Variants in SLCO2B1 observed in about 807,000 individuals in gnomAD.
The protein encoded by SLCO2B1 is OATP-RP2.
In SLCO2B1, 41 loss-of-function variants were observed where a neutral mutation model predicts 67.3. The observed-to-expected ratio is 0.61, with a 90% CI of 0.47 to 0.79. The LOEUF (loss-of-function observed/expected upper bound fraction) is 0.79, where lower values mean the gene tolerates loss of function less well. SLCO2B1 is among the 30% of genes least tolerant of loss of function. The probability of loss-of-function intolerance (pLI) is 0.00; values close to 1 mark genes in which losing one functional copy is unlikely to be tolerated. For synonymous variants in SLCO2B1, 379 were observed against 381.4 expected (o/e 0.99, Z 0.07); for missense variants, 837 against 920.1 (o/e 0.91, Z 1.17).
intron 6 of SLCO2B1, among the ~76,000 whole-genome samples, chr11:75,171,118 C>T (rs902880855): frequency 2.6e-5 from 4 of 152,248 alleles, no homozygotes; most frequent in South Asian, 2.1e-4. Context: ...GTCTAATCAG[C>T]GCAAAAGCCA....
At chr11:75,203,036 G>T (rs554259822) in intron 12 of SLCO2B1, 71 bp downstream of exon 12, 1 of 1,358,816 alleles carries the variant, frequency 7.4e-7, no homozygotes. Flanking sequence ...CAGGCCTGGG[G>T]CACAGGCATG....
chr11:75,162,556 C>G, intron 1 of SLCO2B1, 99 bp from the exon 2 acceptor site: 1 of 1,298,776 alleles, frequency 7.7e-7, no homozygotes. Flanking sequence ...ACTCTTCTTC[C>G]TGAAAGACCT....
At chr11:75,151,848 C>T in intron 1 of SLCO2B1, 1 of 168,530 alleles carries the variant, frequency 5.9e-6, no homozygotes, top group Non-Finnish European at 1.3e-5. Flanking sequence ...CGAGAGAATG[C>T]AGGGAAAGGT....
chr11:75,183,676 C>G (rs1950114440), intron 7 of SLCO2B1, among the ~76,000 whole-genome samples: 1 of 152,208 alleles, frequency 6.6e-6, no homozygotes, highest in African/African-American at 2.4e-5. Flanking sequence ...AGGTGCATGT[C>G]ACCATGCCCA....
At chr11:75,172,662 G>A in intron 7 of SLCO2B1, 93 bp downstream of exon 7, 4 of 1,176,722 alleles carry the variant, frequency 3.4e-6, no homozygotes, top group African/African-American at 1.5e-5. Context: ...GGGCGTGGTG[G>A]CTCACATCTG....
Position 75,193,595 on chromosome 11 carries a change from C to T in SLCO2B1, c.1433+20C>T, listed in dbSNP as rs375283751. The T allele has an allele frequency of 6.1e-5, 93 of 1,515,798 alleles. No homozygotes were observed. The highest frequency in any genetic ancestry group is 6.8e-5 in the Non-Finnish European group (77 of 1,132,794). The allele number at this position is 1,515,798 out of a possible 1,614,324, so 93.9% of individuals were successfully genotyped here. A position where few individuals can be genotyped will look rare whatever the true frequency, so the allele number is the denominator to read the frequency against. On this transcript the variant is annotated intron_variant, in intron 9 of 13. Coordinates refer to ENST00000289575, the MANE Select transcript of SLCO2B1 (RefSeq NM_007256.5). The surrounding 1 kb of genome is among the most constrained non-coding windows in gnomAD (Gnocchi z 4.2). ...GACCAGGTGAGTGTGTGCGTGGGCACGTAAAGGCAAGCCTGGGAGGACAGG... is the reference window on the plus strand; with the variant it reads ...GACCAGGTGAGTGTGTGCGTGGGCATGTAAAGGCAAGCCTGGGAGGACAGG...
In SLCO2B1 at chr11:75,169,766, T is replaced by C. The variant is rs1348293884; in HGVS notation, c.781+2T>C. 2 of 1,613,024 alleles carry C rather than the reference T, an allele frequency of 1.2e-6. No individual in the cohort carries two copies. Among genetic ancestry groups the C allele is most frequent in the African/African-American group, 2.7e-5 (2 of 74,866 alleles). ...TGGACATTAACCAGATGCCAGAAGG[T>C]GAGCCTCAGGAGCACATGTTTGCTA... On this transcript the variant is annotated splice_donor_variant, in intron 6 of 13. Transcript: ENST00000289575. LOFTEE classifies it high-confidence loss of function.
Position 75,191,009 on chromosome 11 carries a change from A to G in SLCO2B1, c.1076-2209A>G, listed in dbSNP as rs180876448. Among the ~76,000 whole-genome samples, 5 of 152,324 alleles carry G rather than the reference A, an allele frequency of 3.3e-5. No individual in the cohort carries two copies. In the East Asian group the frequency reaches 9.6e-4, roughly 29 times the overall value. On this transcript the variant is annotated intron_variant, in intron 8 of 13. Transcript: ENST00000289575. ...GGAATTTTCCATCTATTCCGGTGCCATGCTGTGGATGCTGAGGAGAGATGG... is the reference window on the plus strand; with the variant it reads ...GGAATTTTCCATCTATTCCGGTGCCGTGCTGTGGATGCTGAGGAGAGATGG...
intron 7 of SLCO2B1, among the ~76,000 whole-genome samples, chr11:75,174,104 A>G (rs1463345347): frequency 6.6e-6 from 1 of 152,218 alleles, no homozygotes; most frequent in African/African-American, 2.4e-5. Context: ...GCCAGGCCTA[A>G]AAGTTTAATT....
chr11:75,175,288 A>G (rs1411161751), intron 7 of SLCO2B1, among the ~76,000 whole-genome samples: 1 of 152,090 alleles, frequency 6.6e-6, no homozygotes, highest in East Asian at 1.9e-4. Context: ...GCTTGCAGTA[A>G]CGTGGTTGGC....
At chr11:75,168,360 C>T (rs1239411361) in intron 4 of SLCO2B1, among the ~76,000 whole-genome samples, 2 of 152,136 alleles carry the variant, frequency 1.3e-5, no homozygotes, top group Admixed American at 1.3e-4. Flanking sequence ...GAGTGGCTCT[C>T]CGTGCTGGGT....
At chr11:75,189,748 A>G (rs1470745969) in intron 8 of SLCO2B1, among the ~76,000 whole-genome samples, 3 of 152,092 alleles carry the variant, frequency 2.0e-5, no homozygotes, top group Non-Finnish European at 4.4e-5. Context: ...GGAGTTTGAG[A>G]CCAACCAGGA....
chr11:75,196,886 T>G (rs532354492), intron 10 of SLCO2B1, among the ~76,000 whole-genome samples: 1 of 152,160 alleles, frequency 6.6e-6, no homozygotes, highest in Non-Finnish European at 1.5e-5. Context: ...TCCCAACACT[T>G]TGGGAGGCCG....
At chr11:75,156,276 C>T (rs75645695) in intron 1 of SLCO2B1, among the ~76,000 whole-genome samples, 3,899 of 152,252 alleles carry the variant, frequency 0.026, 175 homozygotes, top group African/African-American at 0.089. Flanking sequence ...ACAACCTCTG[C>T]CCTGGGGGAG....
intron 3 of SLCO2B1, among the ~76,000 whole-genome samples, chr11:75,164,542 T>C (rs1949864268): frequency 6.6e-6 from 1 of 152,064 alleles, no homozygotes; most frequent in Admixed American, 6.5e-5. Context: ...TCCTTAGAAC[T>C]GCCTGGGGAT....
chr11:75,177,123 G>GGGA (rs1310554163), intron 7 of SLCO2B1, among the ~76,000 whole-genome samples: 1 of 152,030 alleles, frequency 6.6e-6, no homozygotes, highest in African/African-American at 2.4e-5. Flanking sequence ...TACCACCATA[G>GGGA]GGAGGAGGAG....
At chr11:75,174,876 G>A (rs1012021929) in intron 7 of SLCO2B1, among the ~76,000 whole-genome samples, 3 of 152,202 alleles carry the variant, frequency 2.0e-5, no homozygotes, top group African/African-American at 7.2e-5. Context: ...TCTGTCACAT[G>A]CCAGTCATGT....
At chr11:75,186,746 T>A (rs1422298589) in intron 7 of SLCO2B1, among the ~76,000 whole-genome samples, 1 of 152,210 alleles carries the variant, frequency 6.6e-6, no homozygotes, top group Non-Finnish European at 1.5e-5. Flanking sequence ...CTTGCCCACT[T>A]GTATTCAGAT....
At chr11:75,160,363 T>A (rs1366950114) in intron 1 of SLCO2B1, among the ~76,000 whole-genome samples, 1 of 152,160 alleles carries the variant, frequency 6.6e-6, no homozygotes, top group African/African-American at 2.4e-5. Context: ...CAAAGCTAGT[T>A]CCTCTGAGCC....
Sources: allele counts gnomAD v4.1 joint callset (sites outside exome capture counted in the v4.1 genomes callset), GRCh38; gene constraint gnomAD v4.1.1; non-coding constraint Gnocchi (gnomAD v3.1); transcripts MANE v1.5; gene names NCBI Gene and HGNC (gene_info 2026-07-23, HGNC 2026-07-21).